Variants in MAN1A1 observed in about 807,000 individuals in gnomAD.
MAN1A1 encodes mannosidase alpha class 1A member 1.
A neutral mutation model predicts 70.8 loss-of-function variants in MAN1A1; 29 were observed. The observed-to-expected ratio is 0.41, with a 90% CI of 0.31 to 0.56. The LOEUF is 0.56. MAN1A1 is among the 20% of genes least tolerant of loss of function. The pLI, the probability that MAN1A1 is intolerant of heterozygous loss-of-function variation, is 0.29. For missense variants in MAN1A1, 747 were observed against 841.3 expected, an observed-to-expected ratio of 0.89 and a Z score of 1.39; for synonymous variants, 349 against 330.1, an observed-to-expected ratio of 1.06 and a Z score of -0.62.
At chr6:119,269,927 CT>C (rs1447174737) in intron 5 of MAN1A1, among the ~76,000 whole-genome samples, 1 of 152,226 alleles carries the variant, frequency 6.6e-6, no homozygotes, top group Admixed American at 6.5e-5. Context: ...TCTCAAGTAG[CT>C]GTGATTACAT....
intron 5 of MAN1A1, among the ~76,000 whole-genome samples, chr6:119,264,800 T>C (rs976989914): frequency 6.6e-6 from 1 of 152,222 alleles, no homozygotes; most frequent in Non-Finnish European, 1.5e-5. Flanking sequence ...TGGCATACAA[T>C]AGTATCCAGT....
At chr6:119,202,991 T>C (rs1773756920) in intron 7 of MAN1A1, among the ~76,000 whole-genome samples, 1 of 132,468 alleles carries the variant, frequency 7.5e-6, no homozygotes, top group Admixed American at 7.5e-5. Context: ...GCTCTCTCTC[T>C]CTCTCTGTGA....
At chr6:119,266,101 T>G (rs1051154003) in intron 5 of MAN1A1, among the ~76,000 whole-genome samples, 1 of 152,072 alleles carries the variant, frequency 6.6e-6, no homozygotes, top group African/African-American at 2.4e-5. Context: ...AAAATTCTGA[T>G]GAAAAAAATC....
intron 6 of MAN1A1, among the ~76,000 whole-genome samples, chr6:119,227,990 C>T (rs1006809548): frequency 1.3e-5 from 2 of 152,044 alleles, no homozygotes; most frequent in Non-Finnish European, 2.9e-5. Flanking sequence ...CATTGAAATG[C>T]TTAGGAAACC....
At chr6:119,222,992 A>G (rs1774406488) in intron 6 of MAN1A1, among the ~76,000 whole-genome samples, 1 of 152,172 alleles carries the variant, frequency 6.6e-6, no homozygotes, top group African/African-American at 2.4e-5. Flanking sequence ...TACTGAATTG[A>G]ACCTTTTAAG....
intron 1 of MAN1A1, 92 bp from the exon 2 acceptor site, chr6:119,349,379 G>T: frequency 1.0e-6 from 1 of 1,002,460 alleles, no homozygotes; most frequent in Non-Finnish European, 1.2e-6. Flanking sequence ...GAGCCTCCAG[G>T]ACCGCTCCCC....
At chr6:119,298,058 C>T (rs565015840) in intron 4 of MAN1A1, among the ~76,000 whole-genome samples, 2 of 152,072 alleles carry the variant, frequency 1.3e-5, no homozygotes, top group South Asian at 4.1e-4. Flanking sequence ...AGGGTAAATG[C>T]CTGATCCTTA....
intron 5 of MAN1A1, among the ~76,000 whole-genome samples, chr6:119,253,752 T>C (rs1329379798): frequency 6.6e-6 from 1 of 152,232 alleles, no homozygotes; most frequent in African/African-American, 2.4e-5. Flanking sequence ...TACTTTTGCA[T>C]CAACCTAATA....
intron 2 of MAN1A1, among the ~76,000 whole-genome samples, chr6:119,315,623 T>C (rs953133921): frequency 2.0e-5 from 3 of 152,214 alleles, no homozygotes; most frequent in African/African-American, 7.2e-5. Context: ...AAAGAAATAC[T>C]TGACCAAAAT....
At chr6:119,197,306 AAAG>A (rs1347219057) in intron 8 of MAN1A1, among the ~76,000 whole-genome samples, 1 of 151,410 alleles carries the variant, frequency 6.6e-6, no homozygotes, top group Non-Finnish European at 1.5e-5. Context: ...CGTCTCCAAA[AAAG>A]AAAAAAAAAA....
At chr6:119,325,024 G>C (rs924080522) in intron 2 of MAN1A1, among the ~76,000 whole-genome samples, 2 of 152,180 alleles carry the variant, frequency 1.3e-5, no homozygotes, top group Non-Finnish European at 2.9e-5. Context: ...CCTTAGTTTA[G>C]AGCCAATGGT....
intron 5 of MAN1A1, among the ~76,000 whole-genome samples, chr6:119,257,217 G>A (rs532377655): frequency 2.0e-5 from 3 of 152,302 alleles, no homozygotes; most frequent in East Asian, 3.9e-4. Context: ...TCATGATAGC[G>A]AGCAGGTGGA....
rs1472423118 is a variant in MAN1A1, at chr6:119,290,767, T to C, written c.817-4A>G. Reference sequence around the variant, plus strand: ...CAAAGACAGAAATTTCAGCATTCTATGGAAAAAAAAAATTCAAACATGATG... The same window carrying C: ...CAAAGACAGAAATTTCAGCATTCTACGGAAAAAAAAAATTCAAACATGATG... On this transcript the variant is annotated splice_region_variant and splice_polypyrimidine_tract_variant and intron_variant, in intron 4 of 12. Transcript: ENST00000368468. The C allele has an allele frequency of 5.0e-6, 8 of 1,595,050 alleles. No individual in the cohort carries two copies. The highest frequency in any genetic ancestry group is 1.1e-5 in the South Asian group (1 of 89,824).
In MAN1A1 at chr6:119,300,674, C is replaced by T. The variant is rs188582103; in HGVS notation, c.816+1314G>A. ...ACCACAGGTCATTCTAATCAAATAGCTCCATAACCTTGAGCAAATCACTAG... is the reference window on the plus strand; with the variant it reads ...ACCACAGGTCATTCTAATCAAATAGTTCCATAACCTTGAGCAAATCACTAG... On this transcript the variant is annotated intron_variant, in intron 4 of 12. Transcript: ENST00000368468. Among the ~76,000 whole-genome samples, 12 of 152,290 alleles carry T rather than the reference C, an allele frequency of 7.9e-5. No individual in the cohort carries two copies. In the East Asian group the frequency reaches 2.3e-3, roughly 29 times the overall value.
At chr6:119,331,898 G>C (rs1773326959) in intron 2 of MAN1A1, 1 of 487,020 alleles carries the variant, frequency 2.1e-6, no homozygotes. Context: ...GCAGAGATGA[G>C]TGCACAAGAA....
rs1170359609 is a variant in MAN1A1, at chr6:119,349,087, C to T, written c.-22G>A. On this transcript the variant is annotated 5_prime_UTR_variant, in exon 2 of 13. Coordinates refer to ENST00000368468, the MANE Select transcript of MAN1A1 (RefSeq NM_005907.4). ...GCATCGCTCCCGCTGTCCAGTGGTCCGGCGCCGCGCCGCTCAGCAGCCAAA... is the reference window on the plus strand; with the variant it reads ...GCATCGCTCCCGCTGTCCAGTGGTCTGGCGCCGCGCCGCTCAGCAGCCAAA... 27 of 1,274,456 alleles carry T rather than the reference C, an allele frequency of 2.1e-5. No individual in the cohort carries two copies. The highest frequency in any genetic ancestry group is 2.6e-5 in the Non-Finnish European group (26 of 1,010,136). The allele number at this position is 1,274,456 out of a possible 1,614,324, so 78.9% of individuals were successfully genotyped here.
intron 5 of MAN1A1, among the ~76,000 whole-genome samples, chr6:119,282,202 A>G (rs1027724309): frequency 6.6e-6 from 1 of 152,246 alleles, no homozygotes; most frequent in Non-Finnish European, 1.5e-5. Context: ...AAGTATAAAT[A>G]AGTTTCAGGG....
intron 6 of MAN1A1, among the ~76,000 whole-genome samples, chr6:119,231,924 G>A (rs1399414000): frequency 6.6e-6 from 1 of 152,164 alleles, no homozygotes; most frequent in Non-Finnish European, 1.5e-5. Context: ...TAACTCTTTA[G>A]AGAAAGATTT....
chr6:119,179,974 C>T, intron 12 of MAN1A1, 29 bp from the exon 13 acceptor site: 1 of 1,609,500 alleles, frequency 6.2e-7, no homozygotes, highest in Middle Eastern at 1.7e-4. Flanking sequence ...GTATATGAGG[C>T]CCAAGACACT....
Sources: gnomAD v4.1 joint callset for allele counts (sites outside exome capture counted in the v4.1 genomes callset) on GRCh38, gnomAD v4.1.1 for gene constraint, MANE v1.5 for transcripts, NCBI Gene and HGNC (gene_info 2026-07-23, HGNC 2026-07-21) for gene names.